The following LRRTM4 variants were observed in gnomAD, a reference collection of about 807,000 sequenced individuals.
LRRTM4 encodes leucine rich repeat transmembrane neuronal 4.
LRRTM4 carries 25 observed loss-of-function variants against 47.6 expected under a neutral mutation model. The ratio of observed to expected loss-of-function variants is 0.53; its 90% CI spans 0.38 to 0.73. The LOEUF is 0.73. Among genes scored for constraint, LRRTM4 ranks in the 30% least tolerant of loss-of-function variants. LRRTM4 has a pLI of 0.00. For missense variants in LRRTM4, 638 were observed against 713.4 expected (o/e 0.89, Z 1.20); for synonymous variants, 311 against 269.5 (o/e 1.15, Z -1.51).
At chr2:77,010,501 T>TACACACACACACACACAC (rs34456976) in intron 3 of LRRTM4, among the ~76,000 whole-genome samples, 3 of 139,836 alleles carry the variant, frequency 2.1e-5, no homozygotes, top group Admixed American at 7.3e-5. Flanking sequence ...TTGTATTGTT[T>TACACACACACACACACAC]ACACACACAC....
At chr2:77,186,176 C>T (rs958664762) in intron 3 of LRRTM4, among the ~76,000 whole-genome samples, 3 of 152,156 alleles carry the variant, frequency 2.0e-5, no homozygotes, top group Non-Finnish European at 4.4e-5. Flanking sequence ...CTTCCCACCT[C>T]GCTTCCTTTG....
At chr2:77,254,641 ATAAT>A (rs1675712879) in intron 3 of LRRTM4, among the ~76,000 whole-genome samples, 1 of 151,944 alleles carries the variant, frequency 6.6e-6, no homozygotes, top group Non-Finnish European at 1.5e-5. Context: ...TAAATTTAAG[ATAAT>A]TAGCTTATAA....
Position 77,518,470 on chromosome 2 carries a change from G to A in LRRTM4, c.1399C>T (p.Arg467Trp). 2 of 1,613,222 alleles carry A rather than the reference G, an allele frequency of 1.2e-6. No homozygotes were observed. The highest frequency in any genetic ancestry group is 1.7e-6 in the Non-Finnish European group (2 of 1,179,596). ...CTTTCAGACTCTCTGGCCTTTTTCC[G>A]CCGCCTCTTCATAAGAGAGTGTTGC... is the stretch of plus-strand genomic sequence containing the variant. ...LQQHSLMKRR[R>W]KKARESERQM... Residue 467 changes from arginine (R) to tryptophan (W), a missense_variant, in exon 3 of 4, where the codon CGG becomes TGG. Arg to Trp is a moderately radical substitution (Grantham distance 101). Transcript: ENST00000409884.
At chr2:76,807,437 C>CATATAT (rs1558667459) in intron 3 of LRRTM4, among the ~76,000 whole-genome samples, 1 of 34,302 alleles carries the variant, frequency 2.9e-5, no homozygotes, top group Non-Finnish European at 4.6e-5. Context: ...TATATATATA[C>CATATAT]GTATATACAT....
At chr2:77,138,344 A>G (rs1263170369) in intron 3 of LRRTM4, among the ~76,000 whole-genome samples, 3 of 152,216 alleles carry the variant, frequency 2.0e-5, no homozygotes, top group Non-Finnish European at 4.4e-5. Context: ...AACTACATGG[A>G]AACAGAAAAA....
intron 3 of LRRTM4, among the ~76,000 whole-genome samples, chr2:77,427,140 A>G (rs1675154904): frequency 6.6e-6 from 1 of 151,950 alleles, no homozygotes; most frequent in African/African-American, 2.4e-5. Context: ...CACCACACCC[A>G]GCTAATTTTT....
At position 76,882,391 on chromosome 2, in the gene LRRTM4, A is replaced by T. The variant is rs948316299; in HGVS notation, c.1552-133475T>A. ...TCTTGCTCTTATGTTCCTACTTCAA[A>T]TGAGAAATGTATAAAAAAGGCCAGG... On this transcript the variant is annotated intron_variant, in intron 3 of 3. Transcript: ENST00000409884. 3.9e-5 allele frequency among the ~76,000 whole-genome samples: 6 copies of T among 152,122 alleles called. No homozygotes were observed. The East Asian group carries it at 1.2e-3, about 29-fold the overall frequency.
At chr2:76,775,832 G>C (rs1190991012) in intron 3 of LRRTM4, among the ~76,000 whole-genome samples, 1 of 151,964 alleles carries the variant, frequency 6.6e-6, no homozygotes, top group Non-Finnish European at 1.5e-5. Flanking sequence ...ATGTATACAT[G>C]TGCCATGCTG....
chr2:77,471,932 G>C (rs1465576254), intron 3 of LRRTM4, among the ~76,000 whole-genome samples: 2 of 152,128 alleles, frequency 1.3e-5, no homozygotes, highest in Non-Finnish European at 2.9e-5. Flanking sequence ...AAGTGCACTT[G>C]TAACCCCAAA....
rs13393584 is a variant in LRRTM4, at chr2:77,315,739, C to T, written c.1551+202579G>A. Among the ~76,000 whole-genome samples, 1,429 of 152,132 alleles carry T rather than the reference C, an allele frequency of 9.4e-3. 32 individuals carry two copies. Among genetic ancestry groups the T allele is most frequent in the African/African-American group, 0.033 (1,353 of 41,498 alleles). On this transcript the variant is annotated intron_variant, in intron 3 of 3. Transcript: ENST00000409884. ...AAGTAAATATTTTTAAAGCCTCTTG[C>T]CAGTTTTACAACCCAGGGCTGTCTG...
intron 3 of LRRTM4, among the ~76,000 whole-genome samples, chr2:77,253,763 T>C (rs972596091): frequency 2.0e-5 from 3 of 151,684 alleles, no homozygotes; most frequent in Admixed American, 6.6e-5. Flanking sequence ...ATGAAGAGAG[T>C]ATAATCAAAA....
At chr2:77,497,949 T>C (rs1678424588) in intron 3 of LRRTM4, among the ~76,000 whole-genome samples, 1 of 151,784 alleles carries the variant, frequency 6.6e-6, no homozygotes, top group African/African-American at 2.4e-5. Context: ...CATATCATCT[T>C]ACAAAGTAAT....
intron 3 of LRRTM4, among the ~76,000 whole-genome samples, chr2:77,442,982 G>C (rs1434189575): frequency 6.6e-6 from 1 of 151,996 alleles, no homozygotes; most frequent in Non-Finnish European, 1.5e-5. Flanking sequence ...ACATAATAAG[G>C]CTCACTTGGC....
chr2:76,762,828 T>C (rs1000737179), intron 3 of LRRTM4, among the ~76,000 whole-genome samples: 1 of 152,182 alleles, frequency 6.6e-6, no homozygotes, highest in Non-Finnish European at 1.5e-5. Context: ...ATGAAAGCCA[T>C]AAATTACATA....
At chr2:76,967,570 TA>T (rs1676070108) in intron 3 of LRRTM4, among the ~76,000 whole-genome samples, 1 of 151,584 alleles carries the variant, frequency 6.6e-6, no homozygotes, top group African/African-American at 2.4e-5. Flanking sequence ...TCTTCTAAAA[TA>T]AACTTCCCAT....
chr2:76,756,510 A>G (rs1382944310), intron 3 of LRRTM4, among the ~76,000 whole-genome samples: 1 of 152,198 alleles, frequency 6.6e-6, no homozygotes, highest in Non-Finnish European at 1.5e-5. Flanking sequence ...GAACAATTTA[A>G]AAGAGTTTGA....
rs912842332 is a variant in LRRTM4 at position 77,246,363 on chromosome 2, C to T, written c.1551+271955G>A. Among the ~76,000 whole-genome samples, 9 of 152,182 alleles carry T rather than the reference C, an allele frequency of 5.9e-5. No individual in the cohort carries two copies. In the South Asian group the frequency reaches 1.7e-3, roughly 28 times the overall value. On this transcript the variant is annotated intron_variant, in intron 3 of 3. Coordinates refer to ENST00000409884, the MANE Select transcript of LRRTM4 (RefSeq NM_001134745.3). ...CATGGGTCCAATTCTGGTGACATTT[C>T]GCCAATATATACACACTACAAAGGT... is the stretch of plus-strand genomic sequence containing the variant.
intron 3 of LRRTM4, among the ~76,000 whole-genome samples, chr2:77,195,533 C>A (rs980889316): frequency 3.3e-5 from 5 of 151,960 alleles, no homozygotes; most frequent in Admixed American, 1.3e-4. Flanking sequence ...TTATCAAATA[C>A]CTTTACTGCA....
intron 3 of LRRTM4, among the ~76,000 whole-genome samples, chr2:77,029,047 AC>A (rs1558537458): frequency 8.7e-4 from 117 of 134,274 alleles, no homozygotes; most frequent in African/African-American, 2.6e-3. Flanking sequence ...ACACACACAC[AC>A]ACAAATATAT....
Sources: gnomAD v4.1 joint callset for allele counts (sites outside exome capture counted in the v4.1 genomes callset) on GRCh38, gnomAD v4.1.1 for gene constraint, MANE v1.5 for transcripts, NCBI Gene and HGNC (gene_info 2026-07-23, HGNC 2026-07-21) for gene names.